The following PEAK1 variants were observed in gnomAD, a reference collection of about 807,000 sequenced individuals.
PEAK1 encodes the protein inactive tyrosine-protein kinase PEAK1.
PEAK1 carries 54 observed loss-of-function variants against 124.7 expected under a neutral mutation model. That is an observed-to-expected ratio of 0.43 (90% CI 0.35 to 0.54). The LOEUF is 0.54. Ranked by LOEUF, PEAK1 falls within the 20% of genes least tolerant of loss-of-function variation. PEAK1 has a pLI of 0.01. For missense variants in PEAK1, 2,046 were observed against 2,134.5 expected (o/e 0.96, Z 0.82); for synonymous variants, 719 against 760.0 (o/e 0.95, Z 0.89).
Position 77,365,206 on chromosome 15 carries a change from G to C in PEAK1, c.-646C>G. 1.0e-6 allele frequency: 1 copy of C among 983,286 alleles called. No individual in the cohort carries two copies. The highest frequency in any genetic ancestry group is 1.2e-6 in the Non-Finnish European group (1 of 828,060). The allele number at this position is 983,286 out of a possible 1,614,324, so 60.9% of individuals were successfully genotyped here. A position where few individuals can be genotyped will look rare whatever the true frequency, so the allele number is the denominator to read the frequency against. ...CCACAAAGAAATGTCTACAGCATAA[G>C]TTCCAGTTTGGGCAGATACCTGAAT... On this transcript the variant is annotated 5_prime_UTR_variant, in exon 2 of 10. Transcript: ENST00000682557.
At chr15:77,248,949 G>A (rs905837138) in intron 6 of PEAK1, among the ~76,000 whole-genome samples, 16 of 151,970 alleles carry the variant, frequency 1.1e-4, no homozygotes, top group African/African-American at 3.6e-4. Context: ...TCAGCTTCCC[G>A]AGTCACTGTG....
intron 5 of PEAK1, among the ~76,000 whole-genome samples, chr15:77,283,469 A>G (rs918144137): frequency 6.6e-6 from 1 of 152,188 alleles, no homozygotes; most frequent in Non-Finnish European, 1.5e-5. Context: ...AAAAAATTGT[A>G]CAAGAAAAAC....
At chr15:77,191,432 G>A (rs983812453) in intron 6 of PEAK1, among the ~76,000 whole-genome samples, 9 of 152,078 alleles carry the variant, frequency 5.9e-5, no homozygotes, top group African/African-American at 2.2e-4. Flanking sequence ...TACCAATTGG[G>A]CACTTGGGAA....
At chr15:77,338,040 A>C (rs1024900712) in intron 2 of PEAK1, 10 of 982,260 alleles carry the variant, frequency 1.0e-5, no homozygotes, top group Non-Finnish European at 1.2e-5. Flanking sequence ...AAATGTGTAA[A>C]GCAGTAAAAA....
chr15:77,247,485 CTTTTTT>C (rs398028029), intron 6 of PEAK1, among the ~76,000 whole-genome samples: 2 of 84,298 alleles, frequency 2.4e-5, no homozygotes, highest in Non-Finnish European at 4.2e-5. Flanking sequence ...CTTTTCTTTT[CTTTTTT>C]TTTTTTTTTT....
At chr15:77,207,460 A>G (rs1174087143) in intron 6 of PEAK1, among the ~76,000 whole-genome samples, 2 of 152,208 alleles carry the variant, frequency 1.3e-5, no homozygotes, top group African/African-American at 4.8e-5. Context: ...ACTGTGGTAT[A>G]CCCATACAAC....
chr15:77,114,392 C>T lies in PEAK1; in HGVS notation c.5005G>A (p.Gly1669Ser). Residue 1669 changes from glycine (G) to serine (S), a missense_variant, in exon 10 of 10, where the codon GGC becomes AGC. Coordinates refer to ENST00000682557, the MANE Select transcript of PEAK1 (RefSeq NM_001385026.1). ...AKGILQCLLW[G>S]PREDLFQTFT... ...GTCTGGAAGAGATCTTCGCGGGGGC[C>T]CCAGAGCAGACACTGGAGGATGCCT... 4 of 1,614,108 alleles carry T rather than the reference C, an allele frequency of 2.5e-6. No individual in the cohort carries two copies. Among genetic ancestry groups the T allele is most frequent in the Non-Finnish European group, 3.4e-6 (4 of 1,180,028 alleles).
At chr15:77,387,534 AC>A (rs2070057638) in intron 1 of PEAK1, among the ~76,000 whole-genome samples, 1 of 152,214 alleles carries the variant, frequency 6.6e-6, no homozygotes, top group Non-Finnish European at 1.5e-5. Flanking sequence ...ACTAATGTGT[AC>A]GATCTCCTCT....
intron 5 of PEAK1, chr15:77,278,521 C>A: frequency 1.0e-5 from 5 of 493,776 alleles, no homozygotes; most frequent in South Asian, 7.6e-5. Flanking sequence ...AAGTGAGGGA[C>A]AAACCACAGA....
chr15:77,402,413 C>T (rs2071450301), intron 1 of PEAK1: 12 of 985,172 alleles, frequency 1.2e-5, no homozygotes, highest in Non-Finnish European at 1.4e-5. Context: ...ACATATCACC[C>T]ATTTATTTAG....
At chr15:77,376,390 G>T (rs2069029617) in intron 1 of PEAK1, among the ~76,000 whole-genome samples, 1 of 152,036 alleles carries the variant, frequency 6.6e-6, no homozygotes, top group African/African-American at 2.4e-5. Flanking sequence ...TGGTTAAGGG[G>T]GTGGGGGGGA....
At chr15:77,136,759 AG>A (rs1215116663) in intron 8 of PEAK1, among the ~76,000 whole-genome samples, 2 of 152,228 alleles carry the variant, frequency 1.3e-5, no homozygotes, top group Non-Finnish European at 2.9e-5. Flanking sequence ...ATTTTTCTGA[AG>A]AGAAATTCAA....
In PEAK1 at chr15:77,180,428, C is replaced by T. The variant is rs1200519948; in HGVS notation, c.1499G>A (p.Ser500Asn). Residue 500 changes from serine to asparagine, a missense_variant, in exon 7 of 10, where the codon AGC becomes AAC. Coordinates refer to ENST00000682557, the MANE Select transcript of PEAK1 (RefSeq NM_001385026.1). ...EGPVNSPKTK[S>N]SSSTPNSPVT... The stretch of plus-strand genomic sequence containing the variant: ...TGGAGAGTTTGGAGTAGAGGATGAG[C>T]TTTTTGTCTTGGGGCTGTTAACAGG... The T allele has an allele frequency of 1.9e-5, 30 of 1,613,934 alleles. No homozygotes were observed. The highest frequency in any genetic ancestry group is 2.4e-5 in the Non-Finnish European group (28 of 1,180,008).
At chr15:77,268,260 A>T (rs1445044143) in intron 5 of PEAK1, among the ~76,000 whole-genome samples, 2 of 152,214 alleles carry the variant, frequency 1.3e-5, no homozygotes, top group Non-Finnish European at 2.9e-5. Flanking sequence ...AGATCACTTG[A>T]TGTCAGGAGT....
intron 1 of PEAK1, chr15:77,418,898 C>T: frequency 1.0e-6 from 1 of 985,390 alleles, no homozygotes; most frequent in Non-Finnish European, 1.2e-6. Flanking sequence ...TCAAGGCAAT[C>T]CCAATTCAGG....
chr15:77,318,281 G>A (rs1175323466), intron 2 of PEAK1, among the ~76,000 whole-genome samples: 4 of 152,152 alleles, frequency 2.6e-5, no homozygotes, highest in Non-Finnish European at 5.9e-5. Flanking sequence ...TTTGTAAGAT[G>A]TTATGATTGG....
intron 6 of PEAK1, among the ~76,000 whole-genome samples, chr15:77,186,460 A>G (rs2057552577): frequency 6.6e-6 from 1 of 152,158 alleles, no homozygotes; most frequent in Non-Finnish European, 1.5e-5. Flanking sequence ...CAGGAACACC[A>G]TTTGCTTATG....
chr15:77,239,772 T>C, intron 6 of PEAK1: 1 of 875,432 alleles, frequency 1.1e-6, no homozygotes, highest in Non-Finnish European at 1.4e-6. Flanking sequence ...TCCTGTCACA[T>C]ATTACATACC....
At chr15:77,378,685 C>A (rs980627620) in intron 1 of PEAK1, among the ~76,000 whole-genome samples, 7 of 152,102 alleles carry the variant, frequency 4.6e-5, no homozygotes, top group African/African-American at 1.7e-4. Flanking sequence ...ATTGTCAATT[C>A]TCTTTGGCTT....
Sources: gnomAD v4.1 joint callset for allele counts (sites outside exome capture counted in the v4.1 genomes callset) on GRCh38, gnomAD v4.1.1 for gene constraint, MANE v1.5 for transcripts, NCBI Gene and HGNC (gene_info 2026-07-23, HGNC 2026-07-21) for gene names.